C1GALT1: variants seen among roughly 807,000 people sequenced by gnomAD.
C1GALT1 encodes the protein glycoprotein-N-acetylgalactosamine 3-beta-galactosyltransferase 1.
C1GALT1 carries 11 observed loss-of-function variants against 31.0 expected under a neutral mutation model. That is an observed-to-expected ratio of 0.36 (90% CI 0.22 to 0.59). The LOEUF (loss-of-function observed/expected upper bound fraction) is 0.59. C1GALT1 is among the 20% of genes least tolerant of loss of function. C1GALT1 has a pLI of 0.79. For missense variants in C1GALT1, 424 were observed against 425.2 expected (o/e 1.00, Z 0.03); for synonymous variants, 175 against 143.6 (o/e 1.22, Z -1.56).
At chr7:7,229,768 G>T (rs1008682084) in intron 1 of C1GALT1, among the ~76,000 whole-genome samples, 2 of 152,182 alleles carry the variant, frequency 1.3e-5, no homozygotes, top group East Asian at 3.9e-4. Context: ...GGGGCAGTAG[G>T]GAGGCAGAAT....
At position 7,226,117 on chromosome 7, in the gene C1GALT1, A is replaced by C. The variant is rs1782748575; in HGVS notation, c.-17-8186A>C. Among the ~76,000 whole-genome samples the C allele has an allele frequency of 3.9e-5, 6 of 152,232 alleles. No homozygotes were observed. In the South Asian group the frequency reaches 1.2e-3, roughly 32 times the overall value. On this transcript the variant is annotated intron_variant, in intron 1 of 3. Transcript: ENST00000436587. ...TGTGAGCATCAGAAAAAAACATAAAAATTTCTAACATGGTACCTCACATGT... is the reference window on the plus strand; with the variant it reads ...TGTGAGCATCAGAAAAAAACATAAACATTTCTAACATGGTACCTCACATGT...
intron 2 of C1GALT1, among the ~76,000 whole-genome samples, chr7:7,160,066 T>G (rs1583725422): frequency 6.6e-6 from 1 of 152,090 alleles, no homozygotes; most frequent in Non-Finnish European, 1.5e-5. Context: ...CATACATAAG[T>G]AAAACTAGTT....
rs1400168846 is a variant in C1GALT1, at chr7:7,238,910, T to C, written c.876T>C (p.Tyr292=). Residue 292 remains tyrosine (Y), a synonymous_variant, in exon 3 of 4, where the codon TAT becomes TAC. Transcript: ENST00000436587. The surrounding 1 kb of genome is among the most constrained non-coding windows in gnomAD (Gnocchi z 5.2). ...TTTGGTACTGGAATTACAACTATTATCCTCCTGTAGAGGTAAGTTTAGAAA... is the reference window on the plus strand; with the variant it reads ...TTTGGTACTGGAATTACAACTATTACCCTCCTGTAGAGGTAAGTTTAGAAA... ...RTFWYWNYNY[Y]PPVEGPGCCS... 2 of 1,611,036 alleles carry C rather than the reference T, an allele frequency of 1.2e-6. No individual in the cohort carries two copies. Among genetic ancestry groups the C allele is most frequent in the African/African-American group, 2.7e-5 (2 of 74,864 alleles).
At chr7:7,235,755 C>A (rs1783306711) in intron 2 of C1GALT1, among the ~76,000 whole-genome samples, 1 of 152,216 alleles carries the variant, frequency 6.6e-6, no homozygotes, top group Non-Finnish European at 1.5e-5. Flanking sequence ...TGCTCTTCCT[C>A]CTCTATTCTT....
Position 7,187,253 on chromosome 7 carries a change from GA to G in C1GALT1, c.-18+4434del, listed in dbSNP as rs1351590532. 4.9e-5 allele frequency among the ~76,000 whole-genome samples: 7 copies of G among 142,546 alleles called. No individual in the cohort carries two copies. The East Asian group carries it at 1.6e-3, about 32-fold the overall frequency. The allele number at this position is 142,546 out of a possible 152,430, so 93.5% of individuals were successfully genotyped here. A position where few individuals can be genotyped will look rare whatever the true frequency, so the allele number is the denominator to read the frequency against. ...GTAGTCTTATCTCTATTCTTCCTGA[GA>G]TTTTTTTTTTTTTGAGACGGAGTCT... On this transcript the variant is annotated intron_variant, in intron 1 of 3. Transcript: ENST00000436587.
chr7:7,211,254 A>G (rs1001450438), intron 1 of C1GALT1, among the ~76,000 whole-genome samples: 3 of 152,202 alleles, frequency 2.0e-5, no homozygotes, highest in East Asian at 3.9e-4. Context: ...GAGTTAACCA[A>G]TTCCTTAAGG....
chr7:7,183,165 A>G (rs1562557768), intron 1 of C1GALT1, among the ~76,000 whole-genome samples: 1 of 148,360 alleles, frequency 6.7e-6, no homozygotes, highest in African/African-American at 2.5e-5. Flanking sequence ...CGGGGCGCGC[A>G]GTGCGCCCGG....
At chr7:7,211,143 C>T (rs187392890) in intron 1 of C1GALT1, among the ~76,000 whole-genome samples, 1 of 151,974 alleles carries the variant, frequency 6.6e-6, no homozygotes, top group Non-Finnish European at 1.5e-5. Flanking sequence ...GTTTGCAGCA[C>T]CATTTGGAGA....
chr7:7,181,192 ATTGCGGAAAGGTGGAAGGATG>A (rs1168183961), upstream of C1GALT1, among the ~76,000 whole-genome samples: 2 of 109,110 alleles, frequency 1.8e-5, no homozygotes, highest in African/African-American at 3.7e-5. Context: ...ATGGCAAGAC[ATTGCGGAAAGGTGGAAGGATG>A]TTGCGGAAAG....
intron 1 of C1GALT1, among the ~76,000 whole-genome samples, chr7:7,216,492 C>T (rs549306084): frequency 1.4e-5 from 2 of 145,438 alleles, no homozygotes; most frequent in South Asian, 4.3e-4. Context: ...CCTGGATCCC[C>T]CCTCCCCCAG....
chr7:7,229,523 G>A (rs1220793836), intron 1 of C1GALT1, among the ~76,000 whole-genome samples: 1 of 152,124 alleles, frequency 6.6e-6, no homozygotes, highest in Non-Finnish European at 1.5e-5. Flanking sequence ...CATGTATACT[G>A]CTAAAGGAAG....
chr7:7,209,386 C>G (rs1781891561), intron 1 of C1GALT1: 1 of 152,180 alleles, frequency 6.6e-6, no homozygotes. Flanking sequence ...ATGACTTTCT[C>G]ACCTCTTCTG....
intron 1 of C1GALT1, among the ~76,000 whole-genome samples, chr7:7,202,269 C>T (rs577554298): frequency 5.9e-4 from 90 of 152,226 alleles, no homozygotes; most frequent in Admixed American, 5.8e-3. Context: ...GGTACGTTCC[C>T]GTGGTAGTAG....
intron 2 of C1GALT1, among the ~76,000 whole-genome samples, chr7:7,165,155 GA>G (rs1367161835): frequency 6.6e-6 from 1 of 152,150 alleles, no homozygotes. Context: ...GCCAGGAAGA[GA>G]AGATGGCCAG....
intron 1 of C1GALT1, among the ~76,000 whole-genome samples, chr7:7,216,998 A>C (rs1782274746): frequency 6.6e-6 from 1 of 152,046 alleles, no homozygotes; most frequent in Admixed American, 6.5e-5. Flanking sequence ...CACACAGGGT[A>C]AGAGATTGTG....
intron 1 of C1GALT1, among the ~76,000 whole-genome samples, chr7:7,200,524 A>G (rs1781489363): frequency 1.3e-5 from 2 of 152,154 alleles, no homozygotes; most frequent in Non-Finnish European, 2.9e-5. Flanking sequence ...CTGTATTACC[A>G]GAATTTGAAT....
chr7:7,246,727 T>G lies in C1GALT1; in HGVS notation c.*3000T>G, dbSNP rs1246835106. On this transcript the variant is annotated 3_prime_UTR_variant, in exon 4 of 4. Coordinates refer to ENST00000436587, the MANE Select transcript of C1GALT1 (RefSeq NM_020156.5). ...GTTTAAGCAAACTCTGCAGGTGTCT[T>G]TCTTATCCTAGTTTGAGAACCAATA... 1 of 152,394 alleles carries G rather than the reference T, an allele frequency of 6.6e-6. No individual in the cohort carries two copies. Among genetic ancestry groups the G allele is most frequent in the Non-Finnish European group, 1.5e-5 (1 of 68,184 alleles). 9.4% of individuals were successfully genotyped at this position (152,394 alleles called of 1,614,324 possible).
At chr7:7,181,534 T>C (rs981563300), upstream of C1GALT1, among the ~76,000 whole-genome samples, 29 of 152,200 alleles carry the variant, frequency 1.9e-4, no homozygotes, top group African/African-American at 6.8e-4. Flanking sequence ...ATTGATGCAA[T>C]GTCCTGAGAA....
chr7:7,162,778 T>C (rs1303673364), intron 2 of C1GALT1, among the ~76,000 whole-genome samples: 2 of 152,170 alleles, frequency 1.3e-5, no homozygotes, highest in East Asian at 1.9e-4. Context: ...CCGGAACCTG[T>C]TGTTTCCTGA....
Sources: allele counts gnomAD v4.1 joint callset (sites outside exome capture counted in the v4.1 genomes callset), GRCh38; gene constraint gnomAD v4.1.1; non-coding constraint Gnocchi (gnomAD v3.1); transcripts MANE v1.5; gene names NCBI Gene and HGNC (gene_info 2026-07-23, HGNC 2026-07-21).